The following PCDH11Y variants were observed in gnomAD, a reference collection of about 807,000 sequenced individuals.
PCDH11Y encodes the protein protocadherin 11 Y-linked, also known as protocadherin-11 Y-linked.
For synonymous variants in PCDH11Y, 9 were observed against 83.6 expected, an observed-to-expected ratio of 0.11 and a Z score of 4.87; for missense variants, 12 against 224.8, an observed-to-expected ratio of 0.05 and a Z score of 6.05.
chrY:5,068,718 A>G (rs2052692960), intron 1 of PCDH11Y, among the ~76,000 whole-genome samples: 1 of 31,992 alleles, frequency 3.1e-5, no homozygotes, highest in South Asian at 7.3e-4. Flanking sequence ...AGCTGAGACT[A>G]CAGGCTAGCA....
At chrY:5,331,704 C>G in intron 2 of PCDH11Y, among the ~76,000 whole-genome samples, 2 of 33,238 alleles carry the variant, frequency 6.0e-5, no homozygotes, top group African/African-American at 2.4e-4. Context: ...CCAGATGGAA[C>G]GAATGTAAAT....
At chrY:5,401,464 G>A (rs2124677088) in intron 2 of PCDH11Y, among the ~76,000 whole-genome samples, 2 of 32,401 alleles carry the variant, frequency 6.2e-5, no homozygotes, top group South Asian at 1.4e-3. Flanking sequence ...TAAGTTTCAG[G>A]ATACATGTGC....
At chrY:5,556,714 T>C (rs2053423257) in intron 3 of PCDH11Y, among the ~76,000 whole-genome samples, 2 of 32,043 alleles carry the variant, frequency 6.2e-5, no homozygotes, top group African/African-American at 2.5e-4. Context: ...CTTTTGAGAA[T>C]GCAGCCATAA....
intron 2 of PCDH11Y, among the ~76,000 whole-genome samples, chrY:5,115,129 C>A (rs2052807643): frequency 3.9e-5 from 1 of 25,872 alleles, no homozygotes; most frequent in African/African-American, 1.4e-4. Context: ...GGTGAGAGAA[C>A]CGCATTTTTT....
intron 3 of PCDH11Y, among the ~76,000 whole-genome samples, chrY:5,546,335 CA>C (rs2053413036): frequency 3.1e-5 from 1 of 32,612 alleles, no homozygotes; most frequent in East Asian, 8.2e-4. Context: ...TAAACTTATT[CA>C]AAAAAAGTTT....
chrY:5,294,827 A>T, intron 2 of PCDH11Y, among the ~76,000 whole-genome samples: 1 of 32,876 alleles, frequency 3.0e-5, no homozygotes, highest in East Asian at 8.1e-4. Context: ...CTCTGTACTT[A>T]CTATTAATAT....
chrY:5,559,310 T>TA (rs2053426724), intron 3 of PCDH11Y, among the ~76,000 whole-genome samples: 1 of 32,775 alleles, frequency 3.1e-5, no homozygotes. Flanking sequence ...AAGCAGAATT[T>TA]AAAAAAAAGA....
chrY:5,392,294 T>C (rs2124676022), intron 2 of PCDH11Y, among the ~76,000 whole-genome samples: 1 of 25,435 alleles, frequency 3.9e-5, no homozygotes, highest in East Asian at 1.0e-3. Flanking sequence ...GGCATGAACC[T>C]GGGAGGCGGA....
chrY:5,412,915 G>C, intron 2 of PCDH11Y, among the ~76,000 whole-genome samples: 3 of 32,630 alleles, frequency 9.2e-5, no homozygotes, highest in Non-Finnish European at 2.2e-4. Flanking sequence ...GTCTCTGCCA[G>C]GTTTTGGTAT....
At chrY:5,197,433 G>T in intron 2 of PCDH11Y, among the ~76,000 whole-genome samples, 2 of 32,078 alleles carry the variant, frequency 6.2e-5, no homozygotes, top group African/African-American at 2.5e-4. Context: ...ATTCCTCAGG[G>T]ATCTAGAACT....
chrY:5,343,500 T>G (rs1602908332), intron 2 of PCDH11Y, among the ~76,000 whole-genome samples: 120 of 33,007 alleles, frequency 3.6e-3, no homozygotes, highest in African/African-American at 0.012. Context: ...TGATCCGCCC[T>G]CCTCAGCCTC....
At chrY:5,416,980 T>A in intron 2 of PCDH11Y, among the ~76,000 whole-genome samples, 1 of 28,717 alleles carries the variant, frequency 3.5e-5, no homozygotes, top group Non-Finnish European at 8.2e-5. Flanking sequence ...GCAGCACCCA[T>A]GTACTATCTA....
intron 2 of PCDH11Y, among the ~76,000 whole-genome samples, chrY:5,210,204 A>C: frequency 5.9e-5 from 2 of 33,688 alleles, no homozygotes. Flanking sequence ...TGAAATGGAG[A>C]TTTTGCTGAG....
intron 2 of PCDH11Y, among the ~76,000 whole-genome samples, chrY:5,453,275 C>T: frequency 3.0e-5 from 1 of 33,329 alleles, no homozygotes; most frequent in Non-Finnish European, 7.4e-5. Context: ...AAAAACAAGC[C>T]ATGAATAAAT....
chrY:5,151,257 T>C, intron 2 of PCDH11Y, among the ~76,000 whole-genome samples: 9 of 33,163 alleles, frequency 2.7e-4, no homozygotes, highest in South Asian at 1.3e-3. Flanking sequence ...CAATGGCAGA[T>C]AGGGAAGCAG....
intron 2 of PCDH11Y, among the ~76,000 whole-genome samples, chrY:5,351,893 C>T (rs1602909532): frequency 3.3e-5 from 1 of 29,865 alleles, no homozygotes; most frequent in East Asian, 8.8e-4. Flanking sequence ...ATAATGAGTG[C>T]TTTCCGTACC....
intron 3 of PCDH11Y, among the ~76,000 whole-genome samples, chrY:5,534,206 C>A: frequency 6.0e-5 from 2 of 33,167 alleles, no homozygotes; most frequent in Non-Finnish European, 1.5e-4. Flanking sequence ...TTGACTCTTG[C>A]CTCTGTCATC....
intron 2 of PCDH11Y, among the ~76,000 whole-genome samples, chrY:5,232,497 G>T: frequency 3.1e-5 from 1 of 31,942 alleles, no homozygotes; most frequent in African/African-American, 1.2e-4. Flanking sequence ...CTAAAGCCTG[G>T]AATGGGGGGC....
chrY:5,619,753 T>A, intron 4 of PCDH11Y, among the ~76,000 whole-genome samples: 1 of 32,264 alleles, frequency 3.1e-5, no homozygotes, highest in Non-Finnish European at 7.6e-5. Flanking sequence ...TATGCAAGAT[T>A]AAGACATCCA....
Sources: gnomAD v4.1 joint callset for allele counts (sites outside exome capture counted in the v4.1 genomes callset) on GRCh38, gnomAD v4.1.1 for gene constraint, MANE v1.5 for transcripts, NCBI Gene and HGNC (gene_info 2026-07-23, HGNC 2026-07-21) for gene names.